MAMDC2: variants seen among roughly 807,000 people sequenced by gnomAD.
The protein encoded by MAMDC2 is MAM domain containing 2, also known as MAM domain-containing protein 2.
In MAMDC2, 57 loss-of-function variants were observed where a neutral mutation model predicts 89.8. That is an observed-to-expected ratio of 0.63 (90% confidence interval 0.51 to 0.79). MAMDC2 has a LOEUF of 0.79. Among genes scored for constraint, MAMDC2 ranks in the 30% least tolerant of loss-of-function variants. The pLI, the probability that MAMDC2 is intolerant of heterozygous loss-of-function variation, is 0.00. For missense variants in MAMDC2, 800 were observed against 820.6 expected, an observed-to-expected ratio of 0.97 and a Z score of 0.31; for synonymous variants, 313 against 293.4, an observed-to-expected ratio of 1.07 and a Z score of -0.68.
chr9:70,207,903 T>G lies in MAMDC2; in HGVS notation c.1652-10434T>G, dbSNP rs568231415. Among the ~76,000 whole-genome samples the G allele has an allele frequency of 3.3e-5, 5 of 152,156 alleles. No homozygotes were observed. In the East Asian group the frequency reaches 5.8e-4, roughly 18 times the overall value. ...TTAAATAGGGAAACCTTTCCCCATT[T>G]CTTGTTTTTGTCAGGTTTGTCAAAG... On this transcript the variant is annotated intron_variant, in intron 11 of 13. Coordinates refer to ENST00000377182, the MANE Select transcript of MAMDC2 (RefSeq NM_153267.5).
chr9:70,221,719 T>TTG (rs143895926), intron 12 of MAMDC2, among the ~76,000 whole-genome samples: 473 of 150,306 alleles, frequency 3.1e-3, no homozygotes, highest in African/African-American at 7.7e-3. Flanking sequence ...ATCCCACATT[T>TTG]TGTGTGTGTG....
Position 70,208,429 on chromosome 9 carries a change from C to G in MAMDC2, c.1652-9908C>G, listed in dbSNP as rs2033276568. 3.3e-5 allele frequency among the ~76,000 whole-genome samples: 5 copies of G among 152,204 alleles called. No individual in the cohort carries two copies. In the South Asian group the frequency reaches 1.0e-3, roughly 32 times the overall value. On this transcript the variant is annotated intron_variant, in intron 11 of 13. Coordinates refer to ENST00000377182, the MANE Select transcript of MAMDC2 (RefSeq NM_153267.5). ...GGAAGTTCACTCATGATTTGGCTCT[C>G]TGTTTGTCTGGTATTGGTGTATAGG...
chr9:70,095,231 G>A (rs1311313064), intron 2 of MAMDC2, among the ~76,000 whole-genome samples: 1 of 152,202 alleles, frequency 6.6e-6, no homozygotes, highest in Non-Finnish European at 1.5e-5. Context: ...TGAGGACAAT[G>A]GGGACCCCCT....
chr9:70,153,388 C>T (rs2031642153), intron 9 of MAMDC2: 1 of 152,178 alleles, frequency 6.6e-6, no homozygotes, highest in Non-Finnish European at 1.5e-5. Context: ...TAACAATGGA[C>T]ACAAACATTA....
chr9:70,214,385 G>T (rs1475216517), intron 11 of MAMDC2, among the ~76,000 whole-genome samples: 1 of 152,174 alleles, frequency 6.6e-6, no homozygotes, highest in Non-Finnish European at 1.5e-5. Context: ...CAGCATACCT[G>T]CCATATTCCA....
chr9:70,055,036 C>T (rs778559261), intron 2 of MAMDC2, among the ~76,000 whole-genome samples: 5 of 151,990 alleles, frequency 3.3e-5, no homozygotes, highest in South Asian at 2.1e-4. Flanking sequence ...GGAGACTTAG[C>T]GAGACCCTGT....
At chr9:70,190,769 T>G (rs1360936452) in intron 11 of MAMDC2, among the ~76,000 whole-genome samples, 3 of 152,160 alleles carry the variant, frequency 2.0e-5, no homozygotes, top group Admixed American at 6.5e-5. Flanking sequence ...ATTAACTGAT[T>G]GTTTTTGATA....
At chr9:70,098,111 A>G (rs1828074494) in intron 2 of MAMDC2, among the ~76,000 whole-genome samples, 1 of 152,236 alleles carries the variant, frequency 6.6e-6, no homozygotes, top group Non-Finnish European at 1.5e-5. Context: ...TGGATTGTTC[A>G]TGACATGTAC....
At chr9:70,125,194 CT>C (rs2030472713) in intron 5 of MAMDC2, among the ~76,000 whole-genome samples, 1 of 152,180 alleles carries the variant, frequency 6.6e-6, no homozygotes, top group South Asian at 2.1e-4. Flanking sequence ...ACAAAACAGG[CT>C]ATAGGGCAAG....
chr9:70,154,176 T>C (rs539880461), intron 9 of MAMDC2: 30 of 152,372 alleles, frequency 2.0e-4, no homozygotes, highest in African/African-American at 7.2e-4. Context: ...TGTAAGCTTC[T>C]GGAGAATACG....
rs73647447 is a variant in MAMDC2, at chr9:70,224,785, C to A, written c.1912-965C>A. ...ATCCCTTAACCCAGTCAAGTTGACA[C>A]CTGAAATCCACCATCACGAGTTGGA... On this transcript the variant is annotated intron_variant, in intron 12 of 13. Transcript: ENST00000377182. Among the ~76,000 whole-genome samples the A allele has an allele frequency of 5.6e-3, 846 of 152,244 alleles. 6 individuals are homozygous for A. The highest frequency in any genetic ancestry group is 0.02 in the African/African-American group (812 of 41,540).
At chr9:70,079,308 G>C (rs766561262) in intron 2 of MAMDC2, 2 of 152,156 alleles carry the variant, frequency 1.3e-5, no homozygotes, top group Non-Finnish European at 2.9e-5. Flanking sequence ...TTGTGTACAA[G>C]TATGGATCTA....
chr9:70,204,664 G>A (rs1221648422), intron 11 of MAMDC2, among the ~76,000 whole-genome samples: 7 of 151,706 alleles, frequency 4.6e-5, no homozygotes, highest in East Asian at 1.9e-4. Flanking sequence ...CCTCGCTGGC[G>A]CCTTGCAGTT....
intron 11 of MAMDC2, among the ~76,000 whole-genome samples, chr9:70,210,715 C>T (rs998771093): frequency 1.3e-5 from 2 of 152,218 alleles, no homozygotes; most frequent in African/African-American, 4.8e-5. Context: ...GATGCAGTTT[C>T]TTCCTAGCAT....
intron 11 of MAMDC2, among the ~76,000 whole-genome samples, chr9:70,205,944 T>A (rs929034629): frequency 1.3e-5 from 2 of 150,848 alleles, no homozygotes; most frequent in African/African-American, 4.9e-5. Context: ...GAAGTTCTGA[T>A]CTTTTCTGGG....
chr9:70,095,169 C>T (rs1247149369), intron 2 of MAMDC2, among the ~76,000 whole-genome samples: 4 of 152,088 alleles, frequency 2.6e-5, no homozygotes, highest in Non-Finnish European at 1.5e-5. Context: ...ATGTAGGCTG[C>T]AGAAAAGGGT....
intron 11 of MAMDC2, chr9:70,188,581 C>T (rs913404514): frequency 4.6e-5 from 7 of 151,822 alleles, no homozygotes; most frequent in African/African-American, 1.5e-4. Flanking sequence ...AGAGGGTGCA[C>T]CATTCCTGGA....
At chr9:70,054,843 C>T (rs1826992220) in intron 2 of MAMDC2, among the ~76,000 whole-genome samples, 1 of 152,088 alleles carries the variant, frequency 6.6e-6, no homozygotes, top group Admixed American at 6.5e-5. Context: ...TTTATTTCTA[C>T]TGTAAATACA....
At chr9:70,203,122 C>T (rs7870779) in intron 11 of MAMDC2, among the ~76,000 whole-genome samples, 4,815 of 150,810 alleles carry the variant, frequency 0.032, 233 homozygotes, top group African/African-American at 0.11. Context: ...TGATTTTGCT[C>T]GTTAGTTGAT....
Sources: gnomAD v4.1 joint callset for allele counts (sites outside exome capture counted in the v4.1 genomes callset) on GRCh38, gnomAD v4.1.1 for gene constraint, MANE v1.5 for transcripts, NCBI Gene and HGNC (gene_info 2026-07-23, HGNC 2026-07-21) for gene names.